The following ACCSL variants were observed in gnomAD, a reference collection of about 807,000 sequenced individuals.
The protein encoded by ACCSL is 1-aminocyclopropane-1-carboxylate synthase homolog (inactive) like.
A neutral mutation model predicts 61.7 loss-of-function variants in ACCSL; 55 were observed. The observed-to-expected ratio is 0.89, with a 90% CI of 0.72 to 1.12. The LOEUF (loss-of-function observed/expected upper bound fraction) is 1.12, where lower values mean the gene tolerates loss of function less well. Ranked by LOEUF, ACCSL falls within the 50% of genes most tolerant of loss-of-function variation. The pLI is 0.00. For synonymous variants in ACCSL, 258 were observed against 264.3 expected (o/e 0.98, Z 0.23); for missense variants, 632 against 698.0 (o/e 0.91, Z 1.07).
chr11:43,962,954 G>A, the ACCSL span, among the ~76,000 whole-genome samples: 10 of 152,272 alleles, frequency 6.6e-5, no homozygotes, highest in East Asian at 1.5e-3. Flanking sequence ...TGCCTGCTCC[G>A]GTTTTGCCCA....
At chr11:44,050,991 G>A (rs577708138) in intron 3 of ACCSL, among the ~76,000 whole-genome samples, 132 of 151,964 alleles carry the variant, frequency 8.7e-4, no homozygotes, top group Middle Eastern at 3.4e-3. Context: ...ACAGGTGCCC[G>A]CCACCACGCC....
At chr11:44,007,769 G>A in the ACCSL span, among the ~76,000 whole-genome samples, 1 of 152,226 alleles carries the variant, frequency 6.6e-6, no homozygotes, top group Admixed American at 6.5e-5. Flanking sequence ...GGTTTGTGGT[G>A]TAGATTACAT....
chr11:44,048,755 TCCCTAA>T (rs1475782686), intron 1 of ACCSL, among the ~76,000 whole-genome samples: 2 of 152,006 alleles, frequency 1.3e-5, no homozygotes, highest in Non-Finnish European at 2.9e-5. Context: ...TCCCTCCCTC[TCCCTAA>T]TCCCAGCTCT....
the ACCSL span, among the ~76,000 whole-genome samples, chr11:44,038,169 A>T: frequency 2.6e-5 from 4 of 152,158 alleles, no homozygotes; most frequent in Non-Finnish European, 5.9e-5. Flanking sequence ...GGTGAGCATG[A>T]GGAGCGGGTT....
intron 4 of ACCSL, 96 bp from the exon 5 acceptor site, chr11:44,051,557 C>G (rs1952639187): frequency 6.4e-7 from 1 of 1,560,054 alleles, no homozygotes; most frequent in Non-Finnish European, 8.8e-7. Flanking sequence ...AGGAGGCTCC[C>G]TGTGCCTGTT....
chr11:44,016,671 A>G, the ACCSL span, among the ~76,000 whole-genome samples: 1 of 152,142 alleles, frequency 6.6e-6, no homozygotes, highest in East Asian at 1.9e-4. Flanking sequence ...GCCCTTTCCA[A>G]TACCCCAAAT....
At chr11:43,999,240 G>T in the ACCSL span, among the ~76,000 whole-genome samples, 1 of 152,316 alleles carries the variant, frequency 6.6e-6, no homozygotes, top group East Asian at 1.9e-4. Context: ...CATATCACAT[G>T]TATAAGGCCT....
the ACCSL span, among the ~76,000 whole-genome samples, chr11:43,936,519 G>C: frequency 6.7e-6 from 1 of 149,306 alleles, no homozygotes; most frequent in East Asian, 2.0e-4. Context: ...CTACACACTG[G>C]CACCCAGGGG....
chr11:44,020,389 A>G, the ACCSL span, among the ~76,000 whole-genome samples: 2 of 152,234 alleles, frequency 1.3e-5, no homozygotes, highest in East Asian at 3.8e-4. Flanking sequence ...GAGAGCAGAC[A>G]TCCTTCTATT....
At chr11:44,038,827 A>G in the ACCSL span, among the ~76,000 whole-genome samples, 1 of 152,188 alleles carries the variant, frequency 6.6e-6, no homozygotes, top group African/African-American at 2.4e-5. Flanking sequence ...CCATTAGCCT[A>G]TGTCCTCCCC....
Position 44,056,071 on chromosome 11 carries a change from T to C in ACCSL, c.1171T>C (p.Trp391Arg). 1.2e-6 allele frequency: 2 copies of C among 1,614,244 alleles called. No homozygotes were observed. The highest frequency in any genetic ancestry group is 1.7e-6 in the Non-Finnish European group (2 of 1,180,042). ...TGATAGCAACAGGACCCATGTGATC[T>C]GGGGTACCAGTAAGGTGAGCCATTG... ...LPDSNRTHVIWGTSKDFGISG... is the reference protein window; with the variant it reads ...LPDSNRTHVIRGTSKDFGISG... Residue 391 changes from tryptophan to arginine, a missense_variant, in exon 10 of 14, where the codon TGG becomes CGG. Physicochemically the swap from Trp to Arg is moderately radical, Grantham distance 101 (BLOSUM62 -3). Transcript: ENST00000378832.
chr11:43,925,172 G>C, the ACCSL span: 4 of 299,564 alleles, frequency 1.3e-5, no homozygotes, highest in Non-Finnish European at 2.7e-5. Context: ...TTCTCTGCTG[G>C]GAGGAGGGGT....
At chr11:43,990,369 T>C in the ACCSL span, among the ~76,000 whole-genome samples, 4 of 152,300 alleles carry the variant, frequency 2.6e-5, no homozygotes, top group Non-Finnish European at 5.9e-5. Flanking sequence ...ACAGATTTAG[T>C]GTCTGGTAAG....
At chr11:43,924,512 G>A in the ACCSL span, among the ~76,000 whole-genome samples, 1 of 152,238 alleles carries the variant, frequency 6.6e-6, no homozygotes, top group Non-Finnish European at 1.5e-5. Context: ...AAGGACGGGG[G>A]CAGGCGAGTG....
At chr11:44,015,638 C>G in the ACCSL span, among the ~76,000 whole-genome samples, 24 of 152,160 alleles carry the variant, frequency 1.6e-4, no homozygotes, top group African/African-American at 5.6e-4. Context: ...ACCCTAAAGC[C>G]CATCCTCAAC....
chr11:43,950,195 A>G, the ACCSL span, among the ~76,000 whole-genome samples: 1 of 152,328 alleles, frequency 6.6e-6, no homozygotes, highest in South Asian at 2.1e-4. Flanking sequence ...GATGGAACCA[A>G]TGTACATCTT....
the ACCSL span, among the ~76,000 whole-genome samples, chr11:43,963,747 GC>G: frequency 6.6e-6 from 1 of 152,144 alleles, no homozygotes; most frequent in Non-Finnish European, 1.5e-5. Flanking sequence ...CCATATATAT[GC>G]TTTTATTTTC....
At chr11:43,985,611 C>T in the ACCSL span, among the ~76,000 whole-genome samples, 7 of 152,212 alleles carry the variant, frequency 4.6e-5, no homozygotes, top group African/African-American at 1.2e-4. Context: ...GAGCAAAATC[C>T]GGCTCAGTCT....
chr11:43,940,036 C>G, the ACCSL span, among the ~76,000 whole-genome samples: 1 of 152,338 alleles, frequency 6.6e-6, no homozygotes, highest in East Asian at 1.9e-4. Context: ...TACCCTAATC[C>G]AAGCCTTCAG....
Sources: allele counts gnomAD v4.1 joint callset (sites outside exome capture counted in the v4.1 genomes callset), GRCh38; gene constraint gnomAD v4.1.1; transcripts MANE v1.5; gene names NCBI Gene and HGNC (gene_info 2026-07-23, HGNC 2026-07-21).